Variants in ITFG1 observed in about 807,000 individuals in gnomAD.
ITFG1 encodes T-cell immunomodulatory protein.
ITFG1 carries 34 observed loss-of-function variants against 81.8 expected under a neutral mutation model. That is an observed-to-expected ratio of 0.42 (90% confidence interval 0.32 to 0.55). ITFG1 has a LOEUF of 0.55. Ranked by LOEUF, ITFG1 falls within the 20% of genes least tolerant of loss-of-function variation. The pLI is 0.17. For synonymous variants in ITFG1, 285 were observed against 270.6 expected (o/e 1.05, Z -0.52); for missense variants, 672 against 755.4 (o/e 0.89, Z 1.29).
chr16:47,252,147 G>GT (rs1966084260), intron 12 of ITFG1, among the ~76,000 whole-genome samples: 1 of 152,148 alleles, frequency 6.6e-6, no homozygotes, highest in South Asian at 2.1e-4. Flanking sequence ...GGAAAATGTG[G>GT]TGTATAAGAA....
chr16:47,414,675 T>C (rs1353168323), intron 6 of ITFG1, among the ~76,000 whole-genome samples: 2 of 152,170 alleles, frequency 1.3e-5, no homozygotes, highest in African/African-American at 4.8e-5. Context: ...TATACACAAT[T>C]CCATTCGGAT....
chr16:47,319,480 G>C (rs371716486), intron 8 of ITFG1, among the ~76,000 whole-genome samples: 1 of 152,154 alleles, frequency 6.6e-6, no homozygotes, highest in African/African-American at 2.4e-5. Flanking sequence ...AGTTTAGCTT[G>C]CAACTTAATC....
intron 5 of ITFG1, among the ~76,000 whole-genome samples, chr16:47,444,876 C>T (rs1278445116): frequency 6.6e-6 from 1 of 152,056 alleles, no homozygotes; most frequent in Admixed American, 6.6e-5. Flanking sequence ...ATAAGATCTG[C>T]TTTTTGGAAA....
At chr16:47,182,922 C>T (rs111396697) in intron 14 of ITFG1, among the ~76,000 whole-genome samples, 14,905 of 152,130 alleles carry the variant, frequency 0.098, 1,469 homozygotes, top group African/African-American at 0.25. Flanking sequence ...ACACCGTGCG[C>T]GAGCGGAAGC....
chr16:47,264,687 G>A (rs567910725), intron 10 of ITFG1, among the ~76,000 whole-genome samples: 1 of 151,956 alleles, frequency 6.6e-6, no homozygotes, highest in East Asian at 1.9e-4. Flanking sequence ...AATGACAACA[G>A]TTAAACCTAA....
At chr16:47,161,694 T>C in intron 16 of ITFG1, 56 bp downstream of exon 16, 1 of 1,052,074 alleles carries the variant, frequency 9.5e-7, no homozygotes, top group Non-Finnish European at 1.5e-6. Flanking sequence ...CATCACTGTA[T>C]GTATAATTCA....
chr16:47,246,289 CATCTTTTCT>C (rs780134804), intron 12 of ITFG1, among the ~76,000 whole-genome samples: 15 of 152,154 alleles, frequency 9.9e-5, no homozygotes, highest in Non-Finnish European at 1.6e-4. Flanking sequence ...AACTTTGCCA[CATCTTTTCT>C]CCACTAAGAA....
At chr16:47,366,405 ACATAT>A (rs1968177767) in intron 7 of ITFG1, among the ~76,000 whole-genome samples, 1 of 152,214 alleles carries the variant, frequency 6.6e-6, no homozygotes, top group Non-Finnish European at 1.5e-5. Context: ...ACTCAAGTTT[ACATAT>A]CAATGAGAAG....
At chr16:47,167,959 C>G (rs1452277525) in intron 14 of ITFG1, among the ~76,000 whole-genome samples, 2 of 152,142 alleles carry the variant, frequency 1.3e-5, no homozygotes, top group African/African-American at 4.8e-5. Flanking sequence ...ATTAGAAATT[C>G]TGGATCATAT....
rs551761004 is a variant in ITFG1 at position 47,230,239 on chromosome 16, C to T, written c.1374+7726G>A. ...CAGAAGAGAAGTTCATAAAGAAACC[C>T]GGAAGAATGGACAGAGAGGTAGGAG... On this transcript the variant is annotated intron_variant, in intron 13 of 17. Coordinates refer to ENST00000320640, the MANE Select transcript of ITFG1 (RefSeq NM_030790.5). Among the ~76,000 whole-genome samples the T allele has an allele frequency of 3.9e-5, 6 of 152,024 alleles. No individual in the cohort carries two copies. In the East Asian group the frequency reaches 5.8e-4, roughly 15 times the overall value.
chr16:47,191,070 G>T (rs996270762), intron 14 of ITFG1, among the ~76,000 whole-genome samples: 1 of 152,154 alleles, frequency 6.6e-6, no homozygotes, highest in African/African-American at 2.4e-5. Context: ...AGTCAGTGTG[G>T]GTTGGGGCTA....
chr16:47,225,103 C>T (rs1158610585), intron 13 of ITFG1, among the ~76,000 whole-genome samples: 2 of 152,086 alleles, frequency 1.3e-5, no homozygotes, highest in Non-Finnish European at 2.9e-5. Flanking sequence ...AAAGAGAAAT[C>T]ACAAAATAGA....
intron 8 of ITFG1, among the ~76,000 whole-genome samples, chr16:47,339,170 T>C (rs1255730730): frequency 2.6e-5 from 4 of 152,260 alleles, no homozygotes; most frequent in East Asian, 1.9e-4. Flanking sequence ...CTCAGTTATA[T>C]AGATGTACCA....
intron 14 of ITFG1, among the ~76,000 whole-genome samples, chr16:47,207,131 G>A (rs369449322): frequency 6.6e-6 from 1 of 152,100 alleles, no homozygotes; most frequent in Non-Finnish European, 1.5e-5. Flanking sequence ...CGCCCAGGCT[G>A]GAGTGCAGTG....
intron 12 of ITFG1, among the ~76,000 whole-genome samples, chr16:47,242,735 A>T (rs1295246670): frequency 6.6e-6 from 1 of 152,238 alleles, no homozygotes; most frequent in Admixed American, 6.5e-5. Context: ...CGAAGTAGAA[A>T]ATTATACAAT....
At chr16:47,392,389 AGTGT>A (rs1968543627) in intron 6 of ITFG1, among the ~76,000 whole-genome samples, 1 of 151,986 alleles carries the variant, frequency 6.6e-6, no homozygotes, top group South Asian at 2.1e-4. Context: ...TGGAGGTGAC[AGTGT>A]GTCTCAAGAA....
intron 3 of ITFG1, among the ~76,000 whole-genome samples, chr16:47,453,394 T>G (rs997940360): frequency 2.6e-5 from 4 of 152,224 alleles, no homozygotes; most frequent in African/African-American, 9.6e-5. Flanking sequence ...TCAACTTTTT[T>G]GTGCTTTCCT....
chr16:47,348,604 AG>A (rs1384293298), intron 8 of ITFG1, among the ~76,000 whole-genome samples: 1 of 152,220 alleles, frequency 6.6e-6, no homozygotes, highest in African/African-American at 2.4e-5. Context: ...TGAAAGTGAT[AG>A]GGAGAATGGA....
At chr16:47,294,949 G>C (rs1386594273) in intron 10 of ITFG1, among the ~76,000 whole-genome samples, 1 of 152,052 alleles carries the variant, frequency 6.6e-6, no homozygotes, top group Non-Finnish European at 1.5e-5. Context: ...AGTTCTTCGG[G>C]GAAGAGCTTT....
Sources: allele counts gnomAD v4.1 joint callset (sites outside exome capture counted in the v4.1 genomes callset), GRCh38; gene constraint gnomAD v4.1.1; transcripts MANE v1.5; gene names NCBI Gene and HGNC (gene_info 2026-07-23, HGNC 2026-07-21).